Variants in LARP4 observed in about 807,000 individuals in gnomAD.
LARP4 encodes La ribonucleoprotein 4.
Under a neutral mutation model 92.9 loss-of-function variants are expected in LARP4, and 29 were observed. The observed-to-expected ratio is 0.31, with a 90% CI of 0.23 to 0.43. The LOEUF (loss-of-function observed/expected upper bound fraction) is 0.43, where lower values mean the gene tolerates loss of function less well. Ranked by LOEUF, LARP4 falls within the 20% of genes least tolerant of loss-of-function variation. The pLI, the probability that LARP4 is intolerant of heterozygous loss-of-function variation, is 1.00. For missense variants in LARP4, 732 were observed against 860.0 expected (o/e 0.85, Z 1.86); for synonymous variants, 279 against 284.1 (o/e 0.98, Z 0.18).
intron 12 of LARP4, among the ~76,000 whole-genome samples, chr12:50,464,283 C>A (rs992782693): frequency 6.6e-6 from 1 of 152,242 alleles, no homozygotes; most frequent in Non-Finnish European, 1.5e-5. Flanking sequence ...GGGAAACTTA[C>A]AATCATGGCT....
chr12:50,410,646 C>T (rs557764482), intron 1 of LARP4, among the ~76,000 whole-genome samples: 9 of 151,786 alleles, frequency 5.9e-5, no homozygotes, highest in Non-Finnish European at 7.4e-5. Flanking sequence ...CCTCATGATC[C>T]GCCCTCCTCA....
chr12:50,433,472 A>G (rs1434920433), intron 4 of LARP4, among the ~76,000 whole-genome samples: 1 of 152,104 alleles, frequency 6.6e-6, no homozygotes, highest in Admixed American at 6.6e-5. Flanking sequence ...TAGATGTTAT[A>G]TCCATTAATT....
intron 1 of LARP4, among the ~76,000 whole-genome samples, chr12:50,427,465 A>AT (rs1948975216): frequency 6.6e-6 from 1 of 151,956 alleles, no homozygotes; most frequent in Non-Finnish European, 1.5e-5. Context: ...GGCTTATGTG[A>AT]TCCTCCTGCC....
intron 1 of LARP4, among the ~76,000 whole-genome samples, chr12:50,403,280 T>G (rs1944209830): frequency 6.6e-6 from 1 of 152,242 alleles, no homozygotes; most frequent in Non-Finnish European, 1.5e-5. Context: ...ATTTGCGTGT[T>G]TATTTTCTCT....
intron 13 of LARP4, among the ~76,000 whole-genome samples, chr12:50,470,997 T>C (rs948159849): frequency 8.5e-5 from 13 of 152,126 alleles, no homozygotes; most frequent in Admixed American, 7.2e-4. Flanking sequence ...CTTTAATAAC[T>C]TAAAAACCAA....
chr12:50,466,307 T>C (rs1292580505), intron 12 of LARP4, among the ~76,000 whole-genome samples: 1 of 151,976 alleles, frequency 6.6e-6, no homozygotes, highest in Non-Finnish European at 1.5e-5. Context: ...TCTCTTGAGA[T>C]AAATAGATGG....
chr12:50,422,934 T>C (rs1023269589), intron 1 of LARP4, among the ~76,000 whole-genome samples: 4 of 151,498 alleles, frequency 2.6e-5, no homozygotes, highest in African/African-American at 9.7e-5. Flanking sequence ...TCTCTTGTCT[T>C]AGCCTCCCAA....
At position 50,448,328 on chromosome 12, in the gene LARP4, A is replaced by G. The variant is rs184793677; in HGVS notation, c.805-5132A>G. On this transcript the variant is annotated intron_variant, in intron 8 of 15. Transcript: ENST00000398473. ...ACAATGATTTGCAGCCATCACTGCC[A>G]TCTATCTCCAGAACTCTTTTTATAA... Among the ~76,000 whole-genome samples, 27 of 152,270 alleles carry G rather than the reference A, an allele frequency of 1.8e-4. No homozygotes were observed. The East Asian group carries it at 5.0e-3, about 28-fold the overall frequency.
At chr12:50,420,167 A>G (rs1947491911) in intron 1 of LARP4, among the ~76,000 whole-genome samples, 1 of 152,170 alleles carries the variant, frequency 6.6e-6, no homozygotes, top group South Asian at 2.1e-4. Flanking sequence ...AGATTTGAGG[A>G]AAGAACTAAA....
chr12:50,415,901 T>C (rs1329439631), intron 1 of LARP4: 1 of 152,086 alleles, frequency 6.6e-6, no homozygotes, highest in Non-Finnish European at 1.5e-5. Context: ...GTGATGGAGT[T>C]TTGCCATGTG....
intron 1 of LARP4, among the ~76,000 whole-genome samples, chr12:50,405,024 G>A (rs1944543389): frequency 6.6e-6 from 1 of 151,258 alleles, no homozygotes; most frequent in African/African-American, 2.4e-5. Context: ...CCTAGTAGCT[G>A]GGACTTCAGG....
intron 1 of LARP4, among the ~76,000 whole-genome samples, chr12:50,402,208 TTAAAC>T (rs905760443): frequency 6.6e-5 from 10 of 152,188 alleles, no homozygotes; most frequent in South Asian, 2.1e-4. Context: ...TTTTTTCTCT[TTAAAC>T]TAACTGATAT....
rs528413878 is a variant in LARP4, at chr12:50,435,647, T to C, written c.535+23T>C. The C allele has an allele frequency of 4.5e-5, 63 of 1,405,980 alleles. No individual in the cohort carries two copies. The African/African-American group carries it at 8.0e-4, about 18-fold the overall frequency. The allele number at this position is 1,405,980 out of a possible 1,614,324, so 87.1% of individuals were successfully genotyped here. A position where few individuals can be genotyped will look rare whatever the true frequency, so the allele number is the denominator to read the frequency against. The stretch of plus-strand genomic sequence containing the variant: ...GATGTATGTAAAAATACCTTTTAGC[T>C]TTTTTTTTAATTTTTAAACGTAAAA... On this transcript the variant is annotated intron_variant, in intron 5 of 15. Coordinates refer to ENST00000398473, the MANE Select transcript of LARP4 (RefSeq NM_052879.5).
In LARP4 at chr12:50,478,061, A is replaced by G. The variant is rs1332996485; in HGVS notation, c.*2197A>G. On this transcript the variant is annotated 3_prime_UTR_variant, in exon 16 of 16. Transcript: ENST00000398473. Reference sequence around the variant, plus strand: ...CAATGTGTCACAAATGTAGGTCTGTATTACTTGTATGCTTGTGTGACTTAC... The same window carrying G: ...CAATGTGTCACAAATGTAGGTCTGTGTTACTTGTATGCTTGTGTGACTTAC... 6.6e-6 allele frequency: 1 copy of G among 152,522 alleles called. No homozygotes were observed. The highest frequency in any genetic ancestry group is 1.5e-5 in the Non-Finnish European group (1 of 67,924). 9.4% of individuals were successfully genotyped at this position (152,522 alleles called of 1,614,324 possible).
chr12:50,446,436 T>A (rs1252323483), intron 8 of LARP4, among the ~76,000 whole-genome samples: 1 of 87,966 alleles, frequency 1.1e-5, no homozygotes, highest in African/African-American at 4.8e-5. Flanking sequence ...TATATTTTTT[T>A]TTTTTTTTAT....
In LARP4 at chr12:50,479,948, C is replaced by G. The variant is rs1355280377; in HGVS notation, c.*4084C>G. The G allele has an allele frequency of 5.3e-5, 8 of 152,022 alleles. No individual in the cohort carries two copies. The highest frequency in any genetic ancestry group is 6.6e-5 in the Admixed American group (1 of 15,206). 9.4% of individuals were successfully genotyped at this position (152,022 alleles called of 1,614,324 possible). ...GTATTTGTATTTGTTTTCAACATCG[C>G]CAAGGTGCTATGGGAAATTAACAAA... On this transcript the variant is annotated 3_prime_UTR_variant, in exon 16 of 16. Coordinates refer to ENST00000398473, the MANE Select transcript of LARP4 (RefSeq NM_052879.5).
At chr12:50,452,294 A>G (rs994386229) in intron 8 of LARP4, among the ~76,000 whole-genome samples, 5 of 151,566 alleles carry the variant, frequency 3.3e-5, no homozygotes, top group Admixed American at 1.3e-4. Flanking sequence ...GCTCACTGCA[A>G]TCTCAGCCTT....
chr12:50,404,671 G>C (rs1592696331), intron 1 of LARP4, among the ~76,000 whole-genome samples: 1 of 149,446 alleles, frequency 6.7e-6, no homozygotes, highest in East Asian at 2.0e-4. Flanking sequence ...CCGCCTCCTG[G>C]GTTCAAGCAG....
intron 1 of LARP4, among the ~76,000 whole-genome samples, chr12:50,417,716 A>G (rs1565957875): frequency 6.6e-6 from 1 of 152,190 alleles, no homozygotes; most frequent in Non-Finnish European, 1.5e-5. Context: ...ATATTTTGAG[A>G]TGGAGTCTCA....
Sources: gnomAD v4.1 joint callset for allele counts (sites outside exome capture counted in the v4.1 genomes callset) on GRCh38, gnomAD v4.1.1 for gene constraint, MANE v1.5 for transcripts, NCBI Gene and HGNC (gene_info 2026-07-23, HGNC 2026-07-21) for gene names.